The following ZFYVE16 variants were observed in gnomAD, a reference collection of about 807,000 sequenced individuals.
ZFYVE16 encodes the protein zinc finger FYVE domain-containing protein 16.
ZFYVE16 carries 89 observed loss-of-function variants against 138.1 expected under a neutral mutation model. The ratio of observed to expected loss-of-function variants is 0.64; its 90% CI spans 0.54 to 0.77. ZFYVE16 has a LOEUF of 0.77. Among genes scored for constraint, ZFYVE16 ranks in the 30% least tolerant of loss-of-function variants. The probability of loss-of-function intolerance (pLI) is 0.00; values close to 1 mark genes in which losing one functional copy is unlikely to be tolerated. For missense variants in ZFYVE16, 1,793 were observed against 1,786.7 expected (o/e 1.00, Z -0.06); for synonymous variants, 596 against 618.3 (o/e 0.96, Z 0.53).
intron 1 of ZFYVE16, among the ~76,000 whole-genome samples, chr5:80,413,812 A>T (rs1317700320): frequency 6.6e-6 from 1 of 152,182 alleles, no homozygotes; most frequent in Non-Finnish European, 1.5e-5. Flanking sequence ...TTAAAATGAC[A>T]TATTTAGATA....
intron 1 of ZFYVE16, among the ~76,000 whole-genome samples, chr5:80,416,592 C>G (rs1746296815): frequency 6.7e-6 from 1 of 150,068 alleles, no homozygotes; most frequent in Non-Finnish European, 1.5e-5. Flanking sequence ...GGTTATACTT[C>G]AGTACTGCTC....
intron 11 of ZFYVE16, 113 bp from the exon 12 acceptor site, chr5:80,455,579 T>C: frequency 1.2e-6 from 1 of 852,920 alleles, no homozygotes; most frequent in Non-Finnish European, 1.9e-6. Flanking sequence ...AAGAACTGAT[T>C]GAGTGATATT....
chr5:80,417,111 C>G (rs578053157), intron 1 of ZFYVE16, among the ~76,000 whole-genome samples: 1 of 152,242 alleles, frequency 6.6e-6, no homozygotes, highest in South Asian at 2.1e-4. Flanking sequence ...GATCAGTCGT[C>G]CATTTACTTA....
chr5:80,412,461 C>T lies in ZFYVE16; in HGVS notation c.-94+4308C>T, dbSNP rs555687053. On this transcript the variant is annotated intron_variant, in intron 1 of 18. Transcript: ENST00000505560. ...AGATTATTGGCACAAAAAGTACATA[C>T]TGATTGATTGAAATGGGAAATATAC... Among the ~76,000 whole-genome samples the T allele has an allele frequency of 8.4e-4, 128 of 152,184 alleles. 1 individual carries two copies. In the South Asian group the frequency reaches 0.011, roughly 14 times the overall value.
At chr5:80,465,943 G>A (rs77228421) in intron 15 of ZFYVE16, among the ~76,000 whole-genome samples, 1 of 128,212 alleles carries the variant, frequency 7.8e-6, no homozygotes, top group Non-Finnish European at 1.7e-5. Flanking sequence ...TTTTTTTTTT[G>A]AGATGGAGTT....
At chr5:80,477,012 CT>C (rs1480725175) in intron 18 of ZFYVE16, among the ~76,000 whole-genome samples, 1 of 151,840 alleles carries the variant, frequency 6.6e-6, no homozygotes, top group Non-Finnish European at 1.5e-5. Context: ...GCAATTTTAT[CT>C]TTATGATATA....
intron 1 of ZFYVE16, among the ~76,000 whole-genome samples, chr5:80,421,926 G>A (rs1246161677): frequency 1.3e-5 from 2 of 152,172 alleles, no homozygotes; most frequent in African/African-American, 4.8e-5. Context: ...TCCTATCCAA[G>A]AGCATAGAAT....
At chr5:80,435,216 G>A (rs187052636) in intron 3 of ZFYVE16, among the ~76,000 whole-genome samples, 283 of 152,232 alleles carry the variant, frequency 1.9e-3, no homozygotes, top group Middle Eastern at 6.8e-3. Flanking sequence ...TGTATTTTTA[G>A]TAGAAACGGG....
At position 80,448,390 on chromosome 5, in the gene ZFYVE16, G is replaced by A. The variant is rs1751624034; in HGVS notation, c.3089G>A (p.Gly1030Glu). The change falls in exon 8 of 19, where the codon GGA (glycine) becomes GAA (glutamate). Residue 1030 changes from glycine (G) to glutamate (E), a missense_variant. Gly to Glu is a moderately conservative substitution (Grantham distance 98). Transcript: ENST00000505560. The part of the protein sequence containing the change: ...DSLPPLLVAS[G>E]EKGSVPVVEE... ...TTGCCCCCACTTCTGGTTGCATCTG[G>A]AGAAAAGGGATCAGGTAGGGAAGCA... The A allele has an allele frequency of 7.2e-6, 11 of 1,535,536 alleles. No homozygotes were observed. The highest frequency in any genetic ancestry group is 1.4e-5 in the African/African-American group (1 of 72,734).
Position 80,480,053 on chromosome 5 carries a change from T to C in ZFYVE16, c.*2676T>C, listed in dbSNP as rs777661613. On this transcript the variant is annotated 3_prime_UTR_variant, in exon 19 of 19. Transcript: ENST00000505560. ...TACTTTTCATGGAAAAGTAATTTCA[T>C]TGTAGGCCTCAAATTACTTTTCAAA... Among the ~76,000 whole-genome samples the C allele has an allele frequency of 6.6e-6, 1 of 152,072 alleles. No homozygotes were observed. The highest frequency in any genetic ancestry group is 1.5e-5 in the Non-Finnish European group (1 of 68,026).
In ZFYVE16 at chr5:80,450,446, A is replaced by G. The variant is rs1751864231; in HGVS notation, c.3242A>G (p.Tyr1081Cys). 1 of 1,613,466 alleles carries G rather than the reference A, an allele frequency of 6.2e-7. No homozygotes were observed. Among genetic ancestry groups the G allele is most frequent in the Non-Finnish European group, 8.5e-7 (1 of 1,179,614 alleles). The part of the protein sequence containing the change: ...VKFIFYSSDK[Y>C]WYFSTNGLHG... ...ATCATCTAAGATTCCTCAGACAAAT[A>G]TTGGTACTTTTCAACCAATGGATTG... Residue 1081 changes from tyrosine to cysteine, a missense_variant, in exon 10 of 19, where the codon TAT becomes TGT. Tyr to Cys is a radical substitution (Grantham distance 194). Transcript: ENST00000505560.
intron 1 of ZFYVE16, among the ~76,000 whole-genome samples, chr5:80,412,264 T>A (rs1291754554): frequency 1.3e-5 from 2 of 152,234 alleles, no homozygotes; most frequent in Non-Finnish European, 2.9e-5. Flanking sequence ...AAGAGATTTT[T>A]AAAAACCATT....
At position 80,438,287 on chromosome 5, in the gene ZFYVE16, T is replaced by C. The variant is rs752025469; in HGVS notation, c.1602T>C (p.Asp534=). 1 of 1,614,110 alleles carries C rather than the reference T, an allele frequency of 6.2e-7. No individual in the cohort carries two copies. The highest frequency in any genetic ancestry group is 8.5e-7 in the Non-Finnish European group (1 of 1,179,974). Residue 534 remains aspartate, a synonymous_variant, in exon 4 of 19, where the codon GAT becomes GAC. Coordinates refer to ENST00000505560, the MANE Select transcript of ZFYVE16 (RefSeq NM_001284236.3). ...CACTAATTAGTGATGCTGAACTTGATGCCTTTCTGACAGAACAGTATCTTC... is the reference window on the plus strand; with the variant it reads ...CACTAATTAGTGATGCTGAACTTGACGCCTTTCTGACAGAACAGTATCTTC... The part of the protein sequence containing the change: ...SGPLISDAEL[D]AFLTEQYLQT...
intron 1 of ZFYVE16, among the ~76,000 whole-genome samples, chr5:80,415,110 C>T (rs887592120): frequency 6.6e-6 from 1 of 152,080 alleles, no homozygotes; most frequent in Non-Finnish European, 1.5e-5. Context: ...CTAATATTTT[C>T]TCTCCTGTTT....
At position 80,416,261 on chromosome 5, in the gene ZFYVE16, T is replaced by A. The variant is rs963366671; in HGVS notation, c.-94+8108T>A. Among the ~76,000 whole-genome samples the A allele has an allele frequency of 8.6e-3, 1,223 of 142,980 alleles. 15 individuals are homozygous for A. Among genetic ancestry groups the A allele is most frequent in the African/African-American group, 0.031 (1,192 of 38,644 alleles). The allele number at this position is 142,980 out of a possible 152,430, so 93.8% of individuals were successfully genotyped here. A position where few individuals can be genotyped will look rare whatever the true frequency, so the allele number is the denominator to read the frequency against. ...TGAATACATAGATTTTTTTTTTTTT[T>A]TTTTTTTTTTTTGAGACAAAGTCTC... On this transcript the variant is annotated intron_variant, in intron 1 of 18. Coordinates refer to ENST00000505560, the MANE Select transcript of ZFYVE16 (RefSeq NM_001284236.3).
At chr5:80,414,823 G>C (rs1745974393) in intron 1 of ZFYVE16, among the ~76,000 whole-genome samples, 1 of 152,204 alleles carries the variant, frequency 6.6e-6, no homozygotes, top group Admixed American at 6.5e-5. Flanking sequence ...GCAGGCTGGG[G>C]TGGGAAGTTC....
At chr5:80,439,414 G>A (rs1488259702) in intron 4 of ZFYVE16, among the ~76,000 whole-genome samples, 1 of 152,086 alleles carries the variant, frequency 6.6e-6, no homozygotes, top group Non-Finnish European at 1.5e-5. Flanking sequence ...ACACTCCAGA[G>A]CAAATTGGCT....
intron 2 of ZFYVE16, among the ~76,000 whole-genome samples, chr5:80,433,576 T>C (rs550035414): frequency 4.3e-4 from 66 of 152,006 alleles, no homozygotes; most frequent in African/African-American, 1.4e-3. Flanking sequence ...ACCCTAGAAC[T>C]TAAGGTATAA....
chr5:80,437,198 T>G lies in ZFYVE16; in HGVS notation c.513T>G (p.Asp171Glu). The change falls in exon 4 of 19, where the codon GAT becomes GAG. Residue 171 changes from aspartate to glutamate, a missense_variant. Asp to Glu is a conservative substitution (Grantham distance 45, BLOSUM62 2). Coordinates refer to ENST00000505560, the MANE Select transcript of ZFYVE16 (RefSeq NM_001284236.3). ...LIGLDLSSVS[D>E]TPCVSSTDHD... is the part of the protein sequence containing the mutation. ...GATTGGATTTATCTTCAGTGTCAGA[T>G]ACTCCCTGTGTTTCTTCAACAGACC... is the stretch of plus-strand genomic sequence containing the variant. 1.9e-6 allele frequency: 3 copies of G among 1,614,066 alleles called. No homozygotes were observed. The highest frequency in any genetic ancestry group is 2.5e-6 in the Non-Finnish European group (3 of 1,180,000).
Sources: allele counts gnomAD v4.1 joint callset (sites outside exome capture counted in the v4.1 genomes callset), GRCh38; gene constraint gnomAD v4.1.1; transcripts MANE v1.5; gene names NCBI Gene and HGNC (gene_info 2026-07-23, HGNC 2026-07-21).